Variants in GRID2 observed in about 807,000 individuals in gnomAD.
The protein encoded by GRID2 is glutamate ionotropic receptor delta type subunit 2.
In GRID2, 33 loss-of-function variants were observed where a neutral mutation model predicts 114.8. That is an observed-to-expected ratio of 0.29 (90% CI 0.22 to 0.38). The LOEUF (loss-of-function observed/expected upper bound fraction) is 0.38. Among genes scored for constraint, GRID2 ranks in the 10% least tolerant of loss-of-function variants. The probability of loss-of-function intolerance (pLI) is 1.00; values close to 1 mark genes in which losing one functional copy is unlikely to be tolerated. For synonymous variants in GRID2, 505 were observed against 449.9 expected, an observed-to-expected ratio of 1.12 and a Z score of -1.55; for missense variants, 1,184 against 1,257.7, an observed-to-expected ratio of 0.94 and a Z score of 0.89.
rs533666769 is a variant in GRID2, at chr4:92,656,119, T to C, written c.244+65833T>C. On this transcript the variant is annotated intron_variant, in intron 2 of 15. Transcript: ENST00000282020. ...ATTTTTTTGAGGAACTTCCATACTATTTTTTATAATTGCTGTACTAACTGG... is the reference window on the plus strand; with the variant it reads ...ATTTTTTTGAGGAACTTCCATACTACTTTTTATAATTGCTGTACTAACTGG... Among the ~76,000 whole-genome samples, 23 of 151,942 alleles carry C rather than the reference T, an allele frequency of 1.5e-4. No homozygotes were observed. In the South Asian group the frequency reaches 4.8e-3, roughly 31 times the overall value.
intron 1 of GRID2, among the ~76,000 whole-genome samples, chr4:92,464,300 T>A (rs1232768198): frequency 6.6e-6 from 1 of 152,002 alleles, no homozygotes; most frequent in Non-Finnish European, 1.5e-5. Context: ...TCTAACAGGA[T>A]TTTTACTACC....
chr4:92,360,844 T>C (rs181712931), intron 1 of GRID2, among the ~76,000 whole-genome samples: 85 of 152,092 alleles, frequency 5.6e-4, no homozygotes, highest in African/African-American at 1.9e-3. Context: ...CAGGAAACTT[T>C]TGTGGGGTTT....
At chr4:92,689,384 G>A (rs910847648) in intron 2 of GRID2, among the ~76,000 whole-genome samples, 1 of 152,104 alleles carries the variant, frequency 6.6e-6, no homozygotes. Flanking sequence ...GTTATTTAAT[G>A]TAGCCACCTT....
chr4:93,584,517 T>C (rs1737341949), intron 13 of GRID2, among the ~76,000 whole-genome samples: 1 of 152,110 alleles, frequency 6.6e-6, no homozygotes, highest in Admixed American at 6.6e-5. Context: ...TCCTTTCTCT[T>C]ATTGATTGAA....
chr4:93,386,626 A>G (rs1049926351), intron 8 of GRID2, among the ~76,000 whole-genome samples: 2 of 152,214 alleles, frequency 1.3e-5, no homozygotes, highest in East Asian at 1.9e-4. Flanking sequence ...TTCCCTACAA[A>G]TGGCACCACG....
chr4:92,754,488 T>C (rs927367014), intron 2 of GRID2, among the ~76,000 whole-genome samples: 8 of 152,248 alleles, frequency 5.3e-5, no homozygotes, highest in Non-Finnish European at 8.8e-5. Context: ...GTAACTTACA[T>C]GCTTTATGCT....
At chr4:92,726,137 A>T (rs1736059163) in intron 2 of GRID2, among the ~76,000 whole-genome samples, 1 of 152,176 alleles carries the variant, frequency 6.6e-6, no homozygotes, top group Non-Finnish European at 1.5e-5. Flanking sequence ...TTTACCAGGA[A>T]CTAAGAAATG....
chr4:93,595,227 A>T (rs1353423100), intron 13 of GRID2, among the ~76,000 whole-genome samples: 2 of 152,174 alleles, frequency 1.3e-5, no homozygotes, highest in Non-Finnish European at 2.9e-5. Flanking sequence ...TGTTCATGAA[A>T]TTCCTTAGCA....
chr4:93,455,142 A>AT (rs1454977660), intron 10 of GRID2, among the ~76,000 whole-genome samples: 9 of 152,146 alleles, frequency 5.9e-5, no homozygotes, highest in African/African-American at 1.9e-4. Context: ...CCTTAGTGCT[A>AT]TAAAAACTCT....
At chr4:92,586,201 A>G (rs937062776) in intron 1 of GRID2, among the ~76,000 whole-genome samples, 19 of 152,046 alleles carry the variant, frequency 1.2e-4, no homozygotes, top group Non-Finnish European at 2.4e-4. Context: ...TAAAACCAAG[A>G]AGGAGAAAAA....
At chr4:93,456,147 C>T (rs1258550937) in intron 11 of GRID2, among the ~76,000 whole-genome samples, 173 bp downstream of exon 11, 2 of 152,158 alleles carry the variant, frequency 1.3e-5, no homozygotes, top group African/African-American at 2.4e-5. Flanking sequence ...ATCTCAGACA[C>T]ACCAAGTTTC....
chr4:92,367,779 A>G lies in GRID2; in HGVS notation c.88+63035A>G, dbSNP rs961800432. 7.9e-5 allele frequency among the ~76,000 whole-genome samples: 12 copies of G among 152,238 alleles called. No individual in the cohort carries two copies. In the South Asian group the frequency reaches 2.3e-3, roughly 29 times the overall value. ...AGAATAGGCCAGAAGGGGGCAGGTG[A>G]AAAATCTCTGTTTGATCTGTGTTAA... On this transcript the variant is annotated intron_variant, in intron 1 of 15. Coordinates refer to ENST00000282020, the MANE Select transcript of GRID2 (RefSeq NM_001510.4).
intron 13 of GRID2, among the ~76,000 whole-genome samples, chr4:93,552,258 T>A (rs1242835316): frequency 1.3e-5 from 2 of 152,062 alleles, no homozygotes; most frequent in Non-Finnish European, 2.9e-5. Flanking sequence ...ATGTGCCACA[T>A]TTTCTTAATC....
At chr4:93,038,455 T>C (rs1725138171) in intron 2 of GRID2, among the ~76,000 whole-genome samples, 1 of 152,020 alleles carries the variant, frequency 6.6e-6, no homozygotes, top group Admixed American at 6.6e-5. Flanking sequence ...AAAACCACAA[T>C]GAGATACCAT....
chr4:93,681,799 A>T (rs1175666587), intron 14 of GRID2, among the ~76,000 whole-genome samples: 2 of 152,238 alleles, frequency 1.3e-5, no homozygotes, highest in African/African-American at 4.8e-5. Flanking sequence ...TTAAAGACTT[A>T]CATGTTAGAC....
At chr4:92,615,889 A>ATTT (rs78450181) in intron 2 of GRID2, among the ~76,000 whole-genome samples, 8,414 of 151,640 alleles carry the variant, frequency 0.055, 300 homozygotes, top group East Asian at 0.16. Flanking sequence ...TGCTCGAATA[A>ATTT]CTTCTACCCA....
intron 2 of GRID2, among the ~76,000 whole-genome samples, chr4:92,831,593 C>T (rs983331520): frequency 6.6e-6 from 1 of 151,482 alleles, no homozygotes; most frequent in Non-Finnish European, 1.5e-5. Context: ...GTGGCTCATG[C>T]CTGTAATCCC....
intron 14 of GRID2, among the ~76,000 whole-genome samples, chr4:93,702,170 C>T (rs1223159988): frequency 6.6e-6 from 1 of 152,062 alleles, no homozygotes; most frequent in Non-Finnish European, 1.5e-5. Context: ...GATATATTCT[C>T]AGTATAATTC....
chr4:92,567,910 A>C (rs1433180577), intron 1 of GRID2, among the ~76,000 whole-genome samples: 1 of 152,062 alleles, frequency 6.6e-6, no homozygotes, highest in Non-Finnish European at 1.5e-5. Context: ...GCCCTCATGG[A>C]AAGTGCATTT....
Sources: allele counts gnomAD v4.1 joint callset (sites outside exome capture counted in the v4.1 genomes callset), GRCh38; gene constraint gnomAD v4.1.1; transcripts MANE v1.5; gene names NCBI Gene and HGNC (gene_info 2026-07-23, HGNC 2026-07-21).